Variants in NCOR2 observed in about 807,000 individuals in gnomAD.
NCOR2 encodes the protein nuclear receptor corepressor 2.
NCOR2 carries 81 observed loss-of-function variants against 262.9 expected under a neutral mutation model. The observed-to-expected ratio is 0.31, with a 90% CI of 0.26 to 0.37. The LOEUF (loss-of-function observed/expected upper bound fraction) is 0.37. NCOR2 is among the 10% of genes least tolerant of loss of function. NCOR2 has a pLI of 1.00. For synonymous variants in NCOR2, 1,659 were observed against 1,559.3 expected, an observed-to-expected ratio of 1.06 and a Z score of -1.51; for missense variants, 3,385 against 3,621.4, an observed-to-expected ratio of 0.93 and a Z score of 1.68.
At chr12:124,461,276 G>A (rs1021008784) in intron 5 of NCOR2, among the ~76,000 whole-genome samples, 1 of 152,232 alleles carries the variant, frequency 6.6e-6, no homozygotes, top group Admixed American at 6.5e-5. Flanking sequence ...CCAAGCCTGA[G>A]AGAAGCCACT....
rs2135913790 is a variant in NCOR2 at position 124,354,472 on chromosome 12, C to T, written c.3589+6G>A. The T allele has an allele frequency of 6.5e-7, 1 of 1,527,220 alleles. No individual in the cohort carries two copies. The highest frequency in any genetic ancestry group is 8.7e-7 in the Non-Finnish European group (1 of 1,144,206). 94.6% of individuals were successfully genotyped at this position (1,527,220 alleles called of 1,614,324 possible). ...TGCTGGGGGCCCAGGGCAGAAGGGC[C>T]CTCACCTCTCAGCACGGACGCCTCC... is the stretch of plus-strand genomic sequence containing the variant. On this transcript the variant is annotated splice_donor_region_variant and intron_variant, in intron 26 of 46. Coordinates refer to ENST00000405201, the Ensembl canonical transcript of NCOR2.
At chr12:124,380,781 G>A (rs2040355854) in intron 17 of NCOR2, among the ~76,000 whole-genome samples, 2 of 152,050 alleles carry the variant, frequency 1.3e-5, no homozygotes, top group Admixed American at 1.3e-4. Flanking sequence ...AGGTGTCTCT[G>A]CGGGGGGCGG....
chr12:124,438,695 C>A lies in NCOR2; in HGVS notation c.816-699G>T, dbSNP rs550610767. The stretch of plus-strand genomic sequence containing the variant: ...CAGAGAGAGAGAGGGAGACAGAGAC[C>A]CAGAAAGAGAGGGAGACAGAGACCC... On this transcript the variant is annotated intron_variant, in intron 7 of 46. Transcript: ENST00000405201. Among the ~76,000 whole-genome samples the A allele has an allele frequency of 3.2e-3, 406 of 127,386 alleles. 5 individuals carry two copies. Among genetic ancestry groups the A allele is most frequent in the African/African-American group, 0.011 (395 of 35,358 alleles). The allele number at this position is 127,386 out of a possible 152,430, so 83.6% of individuals were successfully genotyped here.
intron 16 of NCOR2, among the ~76,000 whole-genome samples, chr12:124,395,446 A>G (rs902757863): frequency 6.6e-6 from 1 of 152,154 alleles, no homozygotes; most frequent in Non-Finnish European, 1.5e-5. Flanking sequence ...TGCTCACGAC[A>G]TTATTACAAA....
intron 37 of NCOR2, among the ~76,000 whole-genome samples, chr12:124,339,365 C>CACCT (rs58198311): frequency 0.24 from 31,238 of 130,550 alleles, 4,316 homozygotes; most frequent in East Asian, 0.39. Context: ...TCCTCTTAGC[C>CACCT]ACCTACCTAC....
intron 1 of NCOR2, among the ~76,000 whole-genome samples, chr12:124,521,000 C>G (rs2050153975): frequency 6.6e-6 from 1 of 152,178 alleles, no homozygotes; most frequent in Non-Finnish European, 1.5e-5. Flanking sequence ...CCAGGCAAGG[C>G]CCCCAGCCTC....
At chr12:124,399,291 G>A (rs1318888815) in intron 15 of NCOR2, among the ~76,000 whole-genome samples, 1 of 152,104 alleles carries the variant, frequency 6.6e-6, no homozygotes, top group African/African-American at 2.4e-5. Context: ...GAAGCCAGGG[G>A]TGCCAGGGGT....
intron 15 of NCOR2, among the ~76,000 whole-genome samples, chr12:124,399,832 C>A (rs749197256): frequency 6.6e-6 from 1 of 152,146 alleles, no homozygotes; most frequent in Non-Finnish European, 1.5e-5. Context: ...CTGCCCCCTG[C>A]GGCGAATCTT....
chr12:124,438,054 C>T (rs2044467551), intron 7 of NCOR2, 58 bp from the exon 10 acceptor site: 5 of 1,521,762 alleles, frequency 3.3e-6, no homozygotes, highest in Non-Finnish European at 4.5e-6. Context: ...CGCTGCACCC[C>T]GTGCCATCCT....
chr12:124,433,906 A>ACACACACACACACG (rs2044175332), intron 8 of NCOR2, among the ~76,000 whole-genome samples: 1 of 145,108 alleles, frequency 6.9e-6, no homozygotes, highest in African/African-American at 2.8e-5. Flanking sequence ...ACACGCACAC[A>ACACACACACACACG]CACACACAGG....
rs376565338 is a variant in NCOR2 at position 124,363,812 on chromosome 12, G to A, written c.2808-13C>T. ...TGGGGACAGCAGCCTGCGGGCACAC[G>A]AGCACCATCAGCTGGGGGCCCACAG... On this transcript the variant is annotated splice_polypyrimidine_tract_variant and intron_variant, in intron 20 of 46. Transcript: ENST00000405201. The A allele has an allele frequency of 8.7e-5, 117 of 1,337,342 alleles. No homozygotes were observed. Among genetic ancestry groups the A allele is most frequent in the Admixed American group, 1.2e-4 (4 of 33,320 alleles). 82.8% of individuals were successfully genotyped at this position (1,337,342 alleles called of 1,614,324 possible). A position where few individuals can be genotyped will look rare whatever the true frequency, so the allele number is the denominator to read the frequency against.
At position 124,443,590 on chromosome 12, in the gene NCOR2, C is replaced by T. The variant is rs2044965301; in HGVS notation, c.816-5594G>A. Among the ~76,000 whole-genome samples, 1 of 152,154 alleles carries T rather than the reference C, an allele frequency of 6.6e-6. No homozygotes were observed. Among genetic ancestry groups the T allele is most frequent in the African/African-American group, 2.4e-5 (1 of 41,438 alleles). ...CAATCTCGGCTCACTGCAACCTCTG[C>T]CTCCCGGGTTCAAGTGATTGTCCTG... On this transcript the variant is annotated intron_variant, in intron 7 of 46. Transcript: ENST00000405201. This position sits in a 1 kb window ranked among gnomAD's most constrained non-coding sequence, Gnocchi z 4.4.
chr12:124,347,993 G>T (rs551762533), intron 29 of NCOR2, 82 bp from the exon 32 acceptor site: 2 of 1,478,320 alleles, frequency 1.4e-6, no homozygotes, highest in Non-Finnish European at 9.2e-7. Context: ...GTTTACAGCC[G>T]CCAGTGGTCA....
intron 15 of NCOR2, 152 bp from the exon 18 acceptor site, chr12:124,398,333 G>C (rs994776302): frequency 1.3e-6 from 1 of 758,300 alleles, no homozygotes; most frequent in Non-Finnish European, 2.2e-6. Flanking sequence ...CCACATTTCA[G>C]ACGCCCCTCC....
intron 13 of NCOR2, among the ~76,000 whole-genome samples, chr12:124,412,770 G>T (rs1034455868): frequency 2.6e-5 from 4 of 152,288 alleles, no homozygotes; most frequent in Non-Finnish European, 5.9e-5. Context: ...CCTTGGAAAT[G>T]CAGAGTCTTG....
intron 22 of NCOR2, among the ~76,000 whole-genome samples, chr12:124,359,303 C>T (rs144772477): frequency 8.5e-5 from 13 of 152,308 alleles, no homozygotes; most frequent in East Asian, 1.9e-4. Flanking sequence ...TCTATCACGC[C>T]GCCTCCAGAT....
chr12:124,449,749 G>A, intron 7 of NCOR2, 66 bp downstream of exon 9: 1 of 1,568,614 alleles, frequency 6.4e-7, no homozygotes, highest in Non-Finnish European at 8.7e-7. Flanking sequence ...ATCCCATGCA[G>A]GCTGCTGAGA....
Position 124,378,500 on chromosome 12 carries a change from A to C in NCOR2, c.2020-116T>G. 1.8e-6 allele frequency: 2 copies of C among 1,103,232 alleles called. No individual in the cohort carries two copies. Among genetic ancestry groups the C allele is most frequent in the Admixed American group, 2.8e-5 (1 of 35,812 alleles). 68.3% of individuals were successfully genotyped at this position (1,103,232 alleles called of 1,614,324 possible). A position where few individuals can be genotyped will look rare whatever the true frequency, so the allele number is the denominator to read the frequency against. The stretch of plus-strand genomic sequence containing the variant: ...GGGCAGTGATCCCGGCCATGTAGCA[A>C]TGAGGGTGACCGTCCCCCTCACACC... On this transcript the variant is annotated intron_variant, in intron 17 of 46. Coordinates refer to ENST00000405201, the Ensembl canonical transcript of NCOR2. The surrounding 1 kb of genome is among the most constrained non-coding windows in gnomAD (Gnocchi z 4.2).
chr12:124,475,832 C>T (rs2047074862), intron 3 of NCOR2, among the ~76,000 whole-genome samples: 1 of 152,300 alleles, frequency 6.6e-6, no homozygotes, highest in Non-Finnish European at 1.5e-5. Context: ...CAGAAATGGC[C>T]ACACATCTGT....
Sources: gnomAD v4.1 joint callset for allele counts (sites outside exome capture counted in the v4.1 genomes callset) on GRCh38, gnomAD v4.1.1 for gene constraint, Gnocchi (gnomAD v3.1) non-coding constraint, MANE v1.5 for transcripts, NCBI Gene and HGNC (gene_info 2026-07-23, HGNC 2026-07-21) for gene names.